The following PDE3A variants were observed in gnomAD, a reference collection of about 807,000 sequenced individuals.
PDE3A encodes the protein phosphodiesterase 3A.
Under a neutral mutation model 98.3 loss-of-function variants are expected in PDE3A, and 43 were observed. The observed-to-expected ratio is 0.44, with a 90% CI of 0.34 to 0.56. The LOEUF (loss-of-function observed/expected upper bound fraction) is 0.56. PDE3A is among the 20% of genes least tolerant of loss of function. PDE3A has a pLI of 0.01. For synonymous variants in PDE3A, 663 were observed against 567.9 expected (o/e 1.17, Z -2.38); for missense variants, 1,427 against 1,440.7 (o/e 0.99, Z 0.15).
intron 1 of PDE3A, among the ~76,000 whole-genome samples, chr12:20,452,048 G>T (rs1299450864): frequency 2.6e-5 from 4 of 152,104 alleles, no homozygotes; most frequent in Non-Finnish European, 5.9e-5. Flanking sequence ...ATAGGTCTCA[G>T]CTTAGATGTT....
At chr12:20,412,527 A>G (rs1944351912) in intron 1 of PDE3A, among the ~76,000 whole-genome samples, 2 of 152,152 alleles carry the variant, frequency 1.3e-5, no homozygotes, top group Admixed American at 1.3e-4. Context: ...TGTTAGATAC[A>G]TATGTAAGAA....
chr12:20,406,182 T>C (rs1204325725), intron 1 of PDE3A, among the ~76,000 whole-genome samples: 1 of 152,230 alleles, frequency 6.6e-6, no homozygotes, highest in East Asian at 1.9e-4. Context: ...TAAATAGTGC[T>C]GCAATAAACA....
chr12:20,388,082 C>G (rs1205841054), intron 1 of PDE3A, among the ~76,000 whole-genome samples: 1 of 151,928 alleles, frequency 6.6e-6, no homozygotes, highest in Non-Finnish European at 1.5e-5. Flanking sequence ...GACATTGTTC[C>G]TTTGGATATG....
chr12:20,478,155 C>G (rs1451535738), intron 1 of PDE3A, among the ~76,000 whole-genome samples: 1 of 152,084 alleles, frequency 6.6e-6, no homozygotes. Context: ...TCTTCTTCAT[C>G]TAGATTTTTA....
intron 1 of PDE3A, among the ~76,000 whole-genome samples, chr12:20,444,609 C>A (rs751379273): frequency 2.6e-5 from 4 of 152,118 alleles, no homozygotes; most frequent in Non-Finnish European, 5.9e-5. Context: ...TTGACATTTA[C>A]GAGCTCAAAA....
At chr12:20,449,609 C>G (rs1591944826) in intron 1 of PDE3A, 1 of 377,916 alleles carries the variant, frequency 2.6e-6, no homozygotes, top group Admixed American at 3.6e-5. Flanking sequence ...TCTCTGCTCA[C>G]ACTTACTGGA....
intron 2 of PDE3A, among the ~76,000 whole-genome samples, chr12:20,598,998 A>G (rs1374300070): frequency 6.6e-6 from 1 of 152,152 alleles, no homozygotes; most frequent in African/African-American, 2.4e-5. Flanking sequence ...ATCTTTCGTC[A>G]TTCAGTTACC....
chr12:20,381,478 A>T (rs879241286), intron 1 of PDE3A, among the ~76,000 whole-genome samples: 1 of 151,862 alleles, frequency 6.6e-6, no homozygotes, highest in Non-Finnish European at 1.5e-5. Context: ...TTATGATTTG[A>T]AAAGAGGAGA....
chr12:20,646,473 C>G lies in PDE3A; in HGVS notation c.2252-17C>G. The G allele has an allele frequency of 7.4e-7, 1 of 1,344,002 alleles. No homozygotes were observed. Among genetic ancestry groups the G allele is most frequent in the Non-Finnish European group, 1.1e-6 (1 of 934,112 alleles). The allele number at this position is 1,344,002 out of a possible 1,614,324, so 83.3% of individuals were successfully genotyped here. ...AAAGTTCATAAACTGATGACTGTTCCTGTTCACTGGTTACAGATCATAACA... is the reference window on the plus strand; with the variant it reads ...AAAGTTCATAAACTGATGACTGTTCGTGTTCACTGGTTACAGATCATAACA... On this transcript the variant is annotated splice_polypyrimidine_tract_variant and intron_variant, in intron 10 of 15. Coordinates refer to ENST00000359062, the MANE Select transcript of PDE3A (RefSeq NM_000921.5).
rs189126121 is a variant in PDE3A at position 20,570,316 on chromosome 12, G to A, written c.1011+13606G>A. On this transcript the variant is annotated intron_variant, in intron 2 of 15. Coordinates refer to ENST00000359062, the MANE Select transcript of PDE3A (RefSeq NM_000921.5). ...CCAGCTACTCGGAAGGCTGAGGCAGGAGAATCTCTTGAACCCAGGAGGTGG... is the reference window on the plus strand; with the variant it reads ...CCAGCTACTCGGAAGGCTGAGGCAGAAGAATCTCTTGAACCCAGGAGGTGG... 2.1e-4 allele frequency among the ~76,000 whole-genome samples: 31 copies of A among 144,720 alleles called. 1 individual carries two copies. The East Asian group carries it at 6.6e-3, about 31-fold the overall frequency. 94.9% of individuals were successfully genotyped at this position (144,720 alleles called of 152,430 possible). A position where few individuals can be genotyped will look rare whatever the true frequency, so the allele number is the denominator to read the frequency against.
intron 1 of PDE3A, among the ~76,000 whole-genome samples, chr12:20,476,346 T>C (rs1295667381): frequency 6.6e-6 from 1 of 152,224 alleles, no homozygotes; most frequent in Admixed American, 6.5e-5. Flanking sequence ...TTCTACATAA[T>C]ATTTGATTTT....
chr12:20,473,182 A>G (rs1223866450), intron 1 of PDE3A, among the ~76,000 whole-genome samples: 1 of 152,176 alleles, frequency 6.6e-6, no homozygotes, highest in African/African-American at 2.4e-5. Flanking sequence ...TATATATAAT[A>G]TTGGTACAGT....
intron 15 of PDE3A, among the ~76,000 whole-genome samples, chr12:20,675,207 G>A (rs1303970152): frequency 3.3e-5 from 5 of 151,684 alleles, no homozygotes; most frequent in Non-Finnish European, 7.4e-5. Flanking sequence ...TAATTTTCAT[G>A]TATTTATACA....
intron 1 of PDE3A, among the ~76,000 whole-genome samples, chr12:20,414,373 A>T (rs1944385431): frequency 6.6e-6 from 1 of 152,178 alleles, no homozygotes; most frequent in South Asian, 2.1e-4. Flanking sequence ...CTTGTACATC[A>T]TCCAATCTGA....
chr12:20,469,722 T>C (rs1276525935), intron 1 of PDE3A, among the ~76,000 whole-genome samples: 4 of 152,194 alleles, frequency 2.6e-5, no homozygotes, highest in Admixed American at 6.5e-5. Context: ...CATAATAAAT[T>C]TTTAGGTACA....
chr12:20,673,155 A>G (rs954706501), intron 15 of PDE3A, among the ~76,000 whole-genome samples: 6 of 152,318 alleles, frequency 3.9e-5, no homozygotes, highest in African/African-American at 1.2e-4. Flanking sequence ...ATGAGACACC[A>G]TCTCACACCA....
intron 13 of PDE3A, 82 bp downstream of exon 13, chr12:20,648,973 T>G: frequency 1.2e-6 from 1 of 825,968 alleles, no homozygotes; most frequent in Non-Finnish European, 1.9e-6. Context: ...TCGCCCAGAC[T>G]GGAGTGCAGT....
chr12:20,444,955 G>A (rs1296094745), intron 1 of PDE3A, among the ~76,000 whole-genome samples: 6 of 152,152 alleles, frequency 3.9e-5, no homozygotes, highest in African/African-American at 4.8e-5. Flanking sequence ...TGGAGCCTAC[G>A]CGGGATCAGT....
At position 20,503,561 on chromosome 12, in the gene PDE3A, A is replaced by T. The variant is rs181103828; in HGVS notation, c.961-53099A>T. On this transcript the variant is annotated intron_variant, in intron 1 of 15. Transcript: ENST00000359062. ...GGGTAATGTCCTAGACATATAAATT[A>T]TATAGATGCATATTGATCATTCCCT... Among the ~76,000 whole-genome samples, 206 of 152,220 alleles carry T rather than the reference A, an allele frequency of 1.4e-3. 3 individuals are homozygous for T. Among genetic ancestry groups the T allele is most frequent in the Middle Eastern group, 0.01 (3 of 292 alleles).
Sources: allele counts gnomAD v4.1 joint callset (sites outside exome capture counted in the v4.1 genomes callset), GRCh38; gene constraint gnomAD v4.1.1; transcripts MANE v1.5; gene names NCBI Gene and HGNC (gene_info 2026-07-23, HGNC 2026-07-21).